TNS3: variants seen among roughly 807,000 people sequenced by gnomAD.
TNS3 encodes tensin-3.
A neutral mutation model predicts 140.9 loss-of-function variants in TNS3; 45 were observed. The observed-to-expected ratio is 0.32, with a 90% CI of 0.25 to 0.41. The LOEUF is 0.41. Among genes scored for constraint, TNS3 ranks in the 10% least tolerant of loss-of-function variants. The pLI is 1.00. For missense variants in TNS3, 1,716 were observed against 1,906.7 expected, an observed-to-expected ratio of 0.90 and a Z score of 1.86; for synonymous variants, 815 against 788.4, an observed-to-expected ratio of 1.03 and a Z score of -0.56.
At chr7:47,457,760 G>A (rs911541427) in intron 4 of TNS3, among the ~76,000 whole-genome samples, 1 of 152,198 alleles carries the variant, frequency 6.6e-6, no homozygotes, top group African/African-American at 2.4e-5. Context: ...ACAGTTGAAG[G>A]ACCATGGGAA....
chr7:47,361,060 C>A (rs1027206654), intron 17 of TNS3, among the ~76,000 whole-genome samples: 8 of 151,898 alleles, frequency 5.3e-5, no homozygotes, highest in Non-Finnish European at 7.4e-5. Flanking sequence ...GAGATTCTTC[C>A]TCTGCAGAGT....
intron 4 of TNS3, among the ~76,000 whole-genome samples, chr7:47,455,003 A>C (rs1796188877): frequency 1.3e-5 from 2 of 152,102 alleles, no homozygotes; most frequent in Non-Finnish European, 2.9e-5. Flanking sequence ...CCAAACTCAC[A>C]CAGATCCCCC....
chr7:47,566,874 T>C (rs571187158), intron 1 of TNS3, among the ~76,000 whole-genome samples: 3 of 152,088 alleles, frequency 2.0e-5, no homozygotes, highest in African/African-American at 7.2e-5. Context: ...ACCCCGTCTC[T>C]ACTAACAATA....
At chr7:47,391,985 C>T (rs1336176353) in intron 16 of TNS3, among the ~76,000 whole-genome samples, 1 of 152,206 alleles carries the variant, frequency 6.6e-6, no homozygotes, top group Non-Finnish European at 1.5e-5. Context: ...CAGAAGGCTA[C>T]CAGGGTCCCT....
At chr7:47,549,954 G>A (rs999991251) in intron 1 of TNS3, among the ~76,000 whole-genome samples, 73 of 94,226 alleles carry the variant, frequency 7.7e-4, no homozygotes, top group African/African-American at 3.0e-3. Flanking sequence ...CCACAACCTA[G>A]TTACTTCGTT....
chr7:47,474,714 A>G (rs1797111314), intron 4 of TNS3, among the ~76,000 whole-genome samples: 1 of 150,050 alleles, frequency 6.7e-6, no homozygotes, highest in African/African-American at 2.5e-5. Flanking sequence ...CACACACAGC[A>G]CAGACATGTA....
chr7:47,415,012 G>T lies in TNS3; in HGVS notation c.586+82C>A, dbSNP rs999663064. The stretch of plus-strand genomic sequence containing the variant: ...GGGCCCTCTCGGAAGGAAAGCCGAG[G>T]CTTATCTAAATTGAGGGGCCCAGGA... On this transcript the variant is annotated intron_variant, in intron 11 of 30. Coordinates refer to ENST00000311160, the MANE Select transcript of TNS3 (RefSeq NM_022748.12). 9.6e-6 allele frequency: 10 copies of T among 1,036,646 alleles called. No homozygotes were observed. The African/African-American group carries it at 1.5e-4, about 15-fold the overall frequency. The allele number at this position is 1,036,646 out of a possible 1,614,324, so 64.2% of individuals were successfully genotyped here. A position where few individuals can be genotyped will look rare whatever the true frequency, so the allele number is the denominator to read the frequency against.
chr7:47,580,388 A>G (rs1473605957), intron 1 of TNS3, among the ~76,000 whole-genome samples: 1 of 152,238 alleles, frequency 6.6e-6, no homozygotes, highest in Non-Finnish European at 1.5e-5. Context: ...CAAAGCATTT[A>G]GCACAGGCAA....
At chr7:47,381,638 C>T (rs1259477035) in intron 16 of TNS3, among the ~76,000 whole-genome samples, 6 of 152,150 alleles carry the variant, frequency 3.9e-5, no homozygotes, top group African/African-American at 7.2e-5. Context: ...TATAAGTGCA[C>T]GCAGAGGGTA....
intron 16 of TNS3, among the ~76,000 whole-genome samples, chr7:47,377,888 T>G (rs1272289984): frequency 6.6e-6 from 1 of 151,662 alleles, no homozygotes; most frequent in Non-Finnish European, 1.5e-5. Flanking sequence ...CATAGTCCCT[T>G]TGCGCCTCAT....
intron 2 of TNS3, among the ~76,000 whole-genome samples, chr7:47,509,807 T>G (rs1407287390): frequency 6.6e-6 from 1 of 152,170 alleles, no homozygotes; most frequent in East Asian, 1.9e-4. Flanking sequence ...CCTCCGTTCC[T>G]GAGTTGACAC....
At chr7:47,540,704 A>G (rs1784576128) in intron 1 of TNS3, among the ~76,000 whole-genome samples, 1 of 152,236 alleles carries the variant, frequency 6.6e-6, no homozygotes, top group Non-Finnish European at 1.5e-5. Flanking sequence ...TTGAAGCAGA[A>G]GCAGACACTT....
chr7:47,457,855 C>T (rs991595552), intron 4 of TNS3, among the ~76,000 whole-genome samples: 4 of 152,188 alleles, frequency 2.6e-5, no homozygotes, highest in African/African-American at 9.7e-5. Flanking sequence ...GCCCTGTCGC[C>T]TCAGTGTCCT....
At chr7:47,568,753 G>A (rs1800485712) in intron 1 of TNS3, among the ~76,000 whole-genome samples, 1 of 152,258 alleles carries the variant, frequency 6.6e-6, no homozygotes, top group Non-Finnish European at 1.5e-5. Flanking sequence ...CCCGGCAGAT[G>A]TGGGGGAGTC....
At chr7:47,352,934 C>CA (rs1211419499) in intron 17 of TNS3, among the ~76,000 whole-genome samples, 2 of 152,220 alleles carry the variant, frequency 1.3e-5, no homozygotes, top group Non-Finnish European at 2.9e-5. Context: ...CATGTGGCTA[C>CA]AGGTGGGGCA....
At chr7:47,424,797 G>A (rs188247907) in intron 9 of TNS3, among the ~76,000 whole-genome samples, 23 of 152,248 alleles carry the variant, frequency 1.5e-4, no homozygotes, top group Admixed American at 9.8e-4. Flanking sequence ...CTCAGGCCTC[G>A]GGGCTGCAGC....
intron 17 of TNS3, among the ~76,000 whole-genome samples, chr7:47,358,644 C>G (rs940414467): frequency 1.3e-5 from 2 of 152,172 alleles, no homozygotes; most frequent in Non-Finnish European, 2.9e-5. Context: ...GTGTCGGCAG[C>G]CTTGGGTGCA....
At chr7:47,309,182 T>C (rs1489562869) in intron 20 of TNS3, among the ~76,000 whole-genome samples, 9 of 152,252 alleles carry the variant, frequency 5.9e-5, no homozygotes, top group Non-Finnish European at 1.0e-4. Context: ...TTATTTCATA[T>C]AGTTTGTCCA....
chr7:47,457,792 T>C (rs953895172), intron 4 of TNS3, among the ~76,000 whole-genome samples: 1 of 152,224 alleles, frequency 6.6e-6, no homozygotes, highest in Non-Finnish European at 1.5e-5. Context: ...GCAGGGAGCC[T>C]GACTCAAATC....
Sources: allele counts gnomAD v4.1 joint callset (sites outside exome capture counted in the v4.1 genomes callset), GRCh38; gene constraint gnomAD v4.1.1; transcripts MANE v1.5; gene names NCBI Gene and HGNC (gene_info 2026-07-23, HGNC 2026-07-21).